PPARGC1A: variants seen among roughly 807,000 people sequenced by gnomAD.
The protein encoded by PPARGC1A is PPARG coactivator 1 alpha.
PPARGC1A carries 25 observed loss-of-function variants against 88.7 expected under a neutral mutation model. The ratio of observed to expected loss-of-function variants is 0.28; its 90% CI spans 0.21 to 0.39. The LOEUF (loss-of-function observed/expected upper bound fraction) is 0.39. Among genes scored for constraint, PPARGC1A ranks in the 10% least tolerant of loss-of-function variants. The pLI is 1.00. For synonymous variants in PPARGC1A, 363 were observed against 355.6 expected, an observed-to-expected ratio of 1.02 and a Z score of -0.24; for missense variants, 880 against 968.7, an observed-to-expected ratio of 0.91 and a Z score of 1.22.
chr4:24,137,216 C>A, the PPARGC1A span, among the ~76,000 whole-genome samples: 1 of 151,754 alleles, frequency 6.6e-6, no homozygotes, highest in Non-Finnish European at 1.5e-5. Context: ...AGGACACAGA[C>A]ACACAGAAGG....
chr4:24,186,827 TA>T, the PPARGC1A span, among the ~76,000 whole-genome samples: 1 of 150,748 alleles, frequency 6.6e-6, no homozygotes, highest in South Asian at 2.1e-4. Flanking sequence ...AAAATGAAAA[TA>T]AAAAAATTAA....
chr4:24,150,596 C>T, the PPARGC1A span, among the ~76,000 whole-genome samples: 1 of 152,234 alleles, frequency 6.6e-6, no homozygotes, highest in Admixed American at 6.5e-5. Context: ...AATAATGTTG[C>T]TAGAGCATAA....
chr4:24,007,371 GTCC>G, the PPARGC1A span, among the ~76,000 whole-genome samples: 17 of 152,266 alleles, frequency 1.1e-4, no homozygotes, highest in Non-Finnish European at 2.1e-4. Flanking sequence ...TGTGGCCCTT[GTCC>G]TCATTAAGCT....
chr4:24,437,969 G>C, the PPARGC1A span, among the ~76,000 whole-genome samples: 2 of 152,114 alleles, frequency 1.3e-5, no homozygotes, highest in Non-Finnish European at 2.9e-5. Flanking sequence ...GACCCACTGT[G>C]CCCGGCCTAC....
chr4:23,872,821 T>A (rs1175582272), intron 2 of PPARGC1A, among the ~76,000 whole-genome samples: 1 of 152,104 alleles, frequency 6.6e-6, no homozygotes, highest in Non-Finnish European at 1.5e-5. Flanking sequence ...ACTTTTAAAA[T>A]CCACAGGCAA....
chr4:24,199,666 G>T, the PPARGC1A span, among the ~76,000 whole-genome samples: 1 of 152,150 alleles, frequency 6.6e-6, no homozygotes, highest in African/African-American at 2.4e-5. Context: ...TCACCCACGA[G>T]AAATAAATTC....
At chr4:24,339,223 T>TACACACAC in the PPARGC1A span, among the ~76,000 whole-genome samples, 603 of 72,394 alleles carry the variant, frequency 8.3e-3, 1 homozygote, top group Non-Finnish European at 0.015. Flanking sequence ...TATATATATA[T>TACACACAC]ATATATATAT....
the PPARGC1A span, among the ~76,000 whole-genome samples, chr4:24,008,761 A>T: frequency 6.6e-6 from 1 of 152,114 alleles, no homozygotes; most frequent in South Asian, 2.1e-4. Flanking sequence ...GGCAGCAAAC[A>T]AAAGCTGGGA....
chr4:24,180,056 C>T, the PPARGC1A span, among the ~76,000 whole-genome samples: 1 of 152,108 alleles, frequency 6.6e-6, no homozygotes. Context: ...CTTCTTCCTG[C>T]AATGAATGAC....
chr4:24,470,322 A>ACT, the PPARGC1A span, among the ~76,000 whole-genome samples: 12 of 116,730 alleles, frequency 1.0e-4, no homozygotes, highest in Admixed American at 4.7e-4. This position sits in a 1 kb window ranked among gnomAD's most constrained non-coding sequence, Gnocchi z 5.8. Context: ...ACACACACAC[A>ACT]CACTCTCTCA....
the PPARGC1A span, among the ~76,000 whole-genome samples, chr4:24,066,868 T>TTTTTTTTTTTTTTTTTG: frequency 7.2e-6 from 1 of 137,976 alleles, no homozygotes; most frequent in Non-Finnish European, 1.6e-5. Flanking sequence ...TTTTTTTTTT[T>TTTTTTTTTTTTTTTTTG]TTTGCCTTTA....
chr4:24,168,083 A>G, the PPARGC1A span, among the ~76,000 whole-genome samples: 3 of 152,336 alleles, frequency 2.0e-5, no homozygotes, highest in Admixed American at 6.5e-5. Context: ...TACGGTATGT[A>G]AAGGTTTATA....
At chr4:24,072,597 C>T in the PPARGC1A span, among the ~76,000 whole-genome samples, 1 of 151,974 alleles carries the variant, frequency 6.6e-6, no homozygotes, top group African/African-American at 2.4e-5. Context: ...AACAACCCCC[C>T]AAAATTAATG....
the PPARGC1A span, among the ~76,000 whole-genome samples, chr4:24,006,465 A>G: frequency 1.3e-5 from 2 of 152,240 alleles, no homozygotes; most frequent in Non-Finnish European, 2.9e-5. Context: ...TGACTTTGCA[A>G]TTTATGAGTC....
At chr4:24,387,763 AGAG>A in the PPARGC1A span, among the ~76,000 whole-genome samples, 198 of 77,226 alleles carry the variant, frequency 2.6e-3, 2 homozygotes, top group African/African-American at 8.9e-3. Context: ...AGAGAGAGAG[AGAG>A]AGAAAGAAAG....
chr4:24,288,950 GGT>G, the PPARGC1A span, among the ~76,000 whole-genome samples: 1 of 152,138 alleles, frequency 6.6e-6, no homozygotes, highest in Non-Finnish European at 1.5e-5. Context: ...GGCCAGGTGT[GGT>G]GGCTCATGCC....
the PPARGC1A span, among the ~76,000 whole-genome samples, chr4:24,311,202 C>T: frequency 1.4e-5 from 2 of 138,816 alleles, no homozygotes; most frequent in African/African-American, 5.3e-5. Flanking sequence ...TGGGTTCACG[C>T]CATTCTCCTG....
At chr4:23,966,286 A>G in the PPARGC1A span, among the ~76,000 whole-genome samples, 3 of 152,196 alleles carry the variant, frequency 2.0e-5, no homozygotes, top group Non-Finnish European at 4.4e-5. Context: ...GCTTTCTGCA[A>G]TCATGGAAAT....
At chr4:23,959,624 TATA>T in the PPARGC1A span, among the ~76,000 whole-genome samples, 2 of 152,088 alleles carry the variant, frequency 1.3e-5, no homozygotes, top group African/African-American at 4.8e-5. Context: ...CCAACAGGAA[TATA>T]ATGAGTCTTG....
Sources: gnomAD v4.1 joint callset for allele counts (sites outside exome capture counted in the v4.1 genomes callset) on GRCh38, gnomAD v4.1.1 for gene constraint, Gnocchi (gnomAD v3.1) non-coding constraint, MANE v1.5 for transcripts, NCBI Gene and HGNC (gene_info 2026-07-23, HGNC 2026-07-21) for gene names.